The following POU6F2 variants were observed in gnomAD, a reference collection of about 807,000 sequenced individuals.
POU6F2 encodes POU class 6 homeobox 2.
POU6F2 carries 31 observed loss-of-function variants against 71.3 expected under a neutral mutation model. The observed-to-expected ratio is 0.43, with a 90% CI of 0.33 to 0.59. The LOEUF is 0.59. Among genes scored for constraint, POU6F2 ranks in the 20% least tolerant of loss-of-function variants. The pLI, the probability that POU6F2 is intolerant of heterozygous loss-of-function variation, is 0.04. For synonymous variants in POU6F2, 347 were observed against 355.7 expected (o/e 0.98, Z 0.27); for missense variants, 783 against 856.8 (o/e 0.91, Z 1.07).
In POU6F2 at chr7:39,014,006, T is replaced by G. The variant is rs191406382; in HGVS notation, c.105+35948T>G. Among the ~76,000 whole-genome samples the G allele has an allele frequency of 1.6e-3, 251 of 152,276 alleles. 1 individual carries two copies. Among genetic ancestry groups the G allele is most frequent in the African/African-American group, 5.6e-3 (232 of 41,552 alleles). On this transcript the variant is annotated intron_variant, in intron 1 of 9. Transcript: ENST00000518318. Reference sequence around the variant, plus strand: ...AGAGGAATGAGAGAGTCCTCATGAGTTGCAAAAAGAAAAACCATAGGCTTA... The same window carrying G: ...AGAGGAATGAGAGAGTCCTCATGAGGTGCAAAAAGAAAAACCATAGGCTTA...
chr7:39,285,551 G>A (rs916401247), intron 4 of POU6F2, among the ~76,000 whole-genome samples: 1 of 152,080 alleles, frequency 6.6e-6, no homozygotes, highest in African/African-American at 2.4e-5. Flanking sequence ...GGATCCAATT[G>A]CTACATGTTT....
chr7:39,198,137 G>A lies in POU6F2; in HGVS notation c.278-6098G>A, dbSNP rs11971430. ...TTGGGCTGGATATCACAGGAGTTTCGCTCTGCTTTTATTAGATAGATGTGA... is the reference window on the plus strand; with the variant it reads ...TTGGGCTGGATATCACAGGAGTTTCACTCTGCTTTTATTAGATAGATGTGA... On this transcript the variant is annotated intron_variant, in intron 2 of 9. Coordinates refer to ENST00000518318, the MANE Select transcript of POU6F2 (RefSeq NM_001370959.1). Among the ~76,000 whole-genome samples the A allele has an allele frequency of 9.5e-3, 1,448 of 152,224 alleles. 23 individuals carry two copies. The highest frequency in any genetic ancestry group is 0.033 in the African/African-American group (1,386 of 41,528).
At chr7:39,118,634 AAGTT>A (rs1183313185) in intron 2 of POU6F2, among the ~76,000 whole-genome samples, 1 of 152,174 alleles carries the variant, frequency 6.6e-6, no homozygotes, top group African/African-American at 2.4e-5. Flanking sequence ...ATTAATGAGA[AAGTT>A]AGAGGTAGAA....
chr7:39,112,382 C>T (rs1791833115), intron 2 of POU6F2, among the ~76,000 whole-genome samples: 2 of 152,106 alleles, frequency 1.3e-5, no homozygotes, highest in Non-Finnish European at 2.9e-5. Flanking sequence ...GCACATAGCA[C>T]AAAACTTTAT....
At chr7:39,227,148 T>C (rs550412955) in intron 4 of POU6F2, among the ~76,000 whole-genome samples, 2 of 152,344 alleles carry the variant, frequency 1.3e-5, no homozygotes, top group South Asian at 4.1e-4. Context: ...AGGTAGAACT[T>C]CTAAAAATTC....
At chr7:39,137,950 T>G (rs1173078523) in intron 2 of POU6F2, among the ~76,000 whole-genome samples, 1 of 152,226 alleles carries the variant, frequency 6.6e-6, no homozygotes, top group Non-Finnish European at 1.5e-5. Flanking sequence ...TACACCTAAC[T>G]TGAGGACTGA....
At chr7:39,444,730 T>C (rs1788483972) in intron 7 of POU6F2, among the ~76,000 whole-genome samples, 2 of 152,264 alleles carry the variant, frequency 1.3e-5, no homozygotes, top group Non-Finnish European at 2.9e-5. Context: ...TTGTGGCATA[T>C]GGTGAACACC....
chr7:39,259,801 A>G (rs1485227812), intron 4 of POU6F2, among the ~76,000 whole-genome samples: 1 of 152,058 alleles, frequency 6.6e-6, no homozygotes, highest in Non-Finnish European at 1.5e-5. Flanking sequence ...TGCTCCCCAC[A>G]GCCCATGAGC....
chr7:39,368,786 C>G (rs1346274798), intron 5 of POU6F2, among the ~76,000 whole-genome samples: 1 of 152,186 alleles, frequency 6.6e-6, no homozygotes, highest in Non-Finnish European at 1.5e-5. Flanking sequence ...TAAATCAACT[C>G]TACCTGTGTT....
At chr7:39,020,327 C>A (rs749349713) in intron 1 of POU6F2, among the ~76,000 whole-genome samples, 2 of 152,146 alleles carry the variant, frequency 1.3e-5, no homozygotes, top group Non-Finnish European at 2.9e-5. Flanking sequence ...ATATCTACTT[C>A]AAGATATTGT....
rs533520447 is a variant in POU6F2, at chr7:39,275,454, A to G, written c.599-64188A>G. Among the ~76,000 whole-genome samples the G allele has an allele frequency of 2.0e-5, 3 of 152,342 alleles. No individual in the cohort carries two copies. The South Asian group carries it at 6.2e-4, about 32-fold the overall frequency. ...ATGCTCATGGGTAGGAAGAATCAATATCGTGAAAATGGCCATACTGCCCAA... is the reference window on the plus strand; with the variant it reads ...ATGCTCATGGGTAGGAAGAATCAATGTCGTGAAAATGGCCATACTGCCCAA... On this transcript the variant is annotated intron_variant, in intron 4 of 9. Transcript: ENST00000518318.
At chr7:39,061,883 A>G (rs754932536) in intron 1 of POU6F2, among the ~76,000 whole-genome samples, 2 of 152,184 alleles carry the variant, frequency 1.3e-5, no homozygotes, top group African/African-American at 2.4e-5. Context: ...TGCAGCTTAA[A>G]CAATTGCAAG....
chr7:39,232,849 G>A (rs1489131194), intron 4 of POU6F2, among the ~76,000 whole-genome samples: 1 of 152,146 alleles, frequency 6.6e-6, no homozygotes, highest in Non-Finnish European at 1.5e-5. Flanking sequence ...AATTTCCATG[G>A]CATTAAACTA....
intron 1 of POU6F2, among the ~76,000 whole-genome samples, chr7:39,059,077 T>C (rs1034090793): frequency 2.5e-4 from 38 of 152,304 alleles, no homozygotes; most frequent in Middle Eastern, 3.4e-3. Context: ...TGGAATGCTT[T>C]TATACAATAT....
At chr7:39,246,031 C>T (rs1783813195) in intron 4 of POU6F2, among the ~76,000 whole-genome samples, 1 of 152,146 alleles carries the variant, frequency 6.6e-6, no homozygotes, top group South Asian at 2.1e-4. Context: ...ATCAGGAAGT[C>T]TTGGGATAAA....
intron 2 of POU6F2, among the ~76,000 whole-genome samples, chr7:39,184,297 T>C (rs1043965293): frequency 1.3e-5 from 2 of 152,246 alleles, no homozygotes; most frequent in Admixed American, 6.5e-5. Context: ...ATTTGTTTAA[T>C]TGGATTTTTA....
At chr7:39,120,296 G>T (rs1792014057) in intron 2 of POU6F2, among the ~76,000 whole-genome samples, 1 of 152,146 alleles carries the variant, frequency 6.6e-6, no homozygotes, top group Non-Finnish European at 1.5e-5. Flanking sequence ...GAGCCACCAT[G>T]TCCAGCCTGT....
intron 1 of POU6F2, among the ~76,000 whole-genome samples, chr7:39,061,558 C>G (rs993726916): frequency 6.6e-6 from 1 of 152,128 alleles, no homozygotes; most frequent in African/African-American, 2.4e-5. Context: ...TATTGGTTCA[C>G]TGTGTTTTAT....
chr7:39,072,280 T>C (rs1393548988), intron 1 of POU6F2, among the ~76,000 whole-genome samples: 1 of 152,194 alleles, frequency 6.6e-6, no homozygotes, highest in African/African-American at 2.4e-5. Context: ...GATCAAGCTT[T>C]CTTGGGGCAC....
Sources: gnomAD v4.1 joint callset for allele counts (sites outside exome capture counted in the v4.1 genomes callset) on GRCh38, gnomAD v4.1.1 for gene constraint, MANE v1.5 for transcripts, NCBI Gene and HGNC (gene_info 2026-07-23, HGNC 2026-07-21) for gene names.